Variants in LRP1B observed in about 807,000 individuals in gnomAD.
The protein encoded by LRP1B is LDL receptor related protein 1B.
LRP1B carries 217 observed loss-of-function variants against 556.6 expected under a neutral mutation model. The observed-to-expected ratio is 0.39, with a 90% CI of 0.35 to 0.44. The LOEUF (loss-of-function observed/expected upper bound fraction) is 0.44, where lower values mean the gene tolerates loss of function less well. LRP1B is among the 20% of genes least tolerant of loss of function. The pLI is 1.00. For missense variants in LRP1B, 5,053 were observed against 5,620.8 expected (o/e 0.90, Z 3.23); for synonymous variants, 2,047 against 1,865.8 (o/e 1.10, Z -2.50).
chr2:141,276,725 T>C lies in LRP1B; in HGVS notation c.344-22084A>G, dbSNP rs561118376. On this transcript the variant is annotated intron_variant, in intron 3 of 90. Coordinates refer to ENST00000389484, the MANE Select transcript of LRP1B (RefSeq NM_018557.3). Reference sequence around the variant, plus strand: ...AGGCTGGAGTGCAGTGGCAAGATCTTGGCTCACTGCAAGCTCCGCCTCCCC... The same window carrying C: ...AGGCTGGAGTGCAGTGGCAAGATCTCGGCTCACTGCAAGCTCCGCCTCCCC... 6.7e-3 allele frequency among the ~76,000 whole-genome samples: 1,001 copies of C among 150,038 alleles called. 4 individuals are homozygous for C. The highest frequency in any genetic ancestry group is 0.014 in the South Asian group (66 of 4,740).
intron 1 of LRP1B, among the ~76,000 whole-genome samples, chr2:141,870,772 G>GA (rs995902337): frequency 3.3e-5 from 5 of 151,636 alleles, no homozygotes; most frequent in Non-Finnish European, 5.9e-5. Context: ...TCATCGTGGT[G>GA]AAAAAAAATT....
intron 41 of LRP1B, among the ~76,000 whole-genome samples, chr2:140,697,039 T>C (rs6735862): frequency 0.23 from 34,353 of 151,896 alleles, 4,643 homozygotes; most frequent in African/African-American, 0.38. Flanking sequence ...CACATAGAAG[T>C]ACAGAGGAAA....
chr2:142,112,229 G>A (rs948227286), intron 1 of LRP1B, among the ~76,000 whole-genome samples: 1 of 152,008 alleles, frequency 6.6e-6, no homozygotes, highest in African/African-American at 2.4e-5. Context: ...ATCAGTTATA[G>A]AGGACAAAGA....
chr2:140,582,399 C>T (rs1440127599), intron 43 of LRP1B, among the ~76,000 whole-genome samples: 4 of 152,160 alleles, frequency 2.6e-5, no homozygotes, highest in African/African-American at 9.7e-5. Context: ...GACAAATGTG[C>T]TCTTATTTCT....
intron 1 of LRP1B, among the ~76,000 whole-genome samples, chr2:142,086,648 A>AAAAC (rs1255075408): frequency 5.3e-5 from 8 of 150,700 alleles, no homozygotes; most frequent in African/African-American, 2.0e-4. Context: ...AACAAAAAAA[A>AAAAC]AACACAACTT....
intron 2 of LRP1B, among the ~76,000 whole-genome samples, chr2:141,634,374 T>A (rs1345922187): frequency 6.6e-6 from 1 of 151,956 alleles, no homozygotes; most frequent in Non-Finnish European, 1.5e-5. Flanking sequence ...AAAATTATAC[T>A]ATTTTATAGA....
intron 72 of LRP1B, among the ~76,000 whole-genome samples, chr2:140,362,434 T>C (rs572207653): frequency 1.3e-5 from 2 of 151,738 alleles, no homozygotes; most frequent in Non-Finnish European, 2.9e-5. Context: ...GATTATGTCC[T>C]GATATATCCT....
intron 6 of LRP1B, among the ~76,000 whole-genome samples, chr2:141,202,523 AC>A (rs1682078054): frequency 2.0e-5 from 3 of 151,880 alleles, no homozygotes. Context: ...ACTAATTAAC[AC>A]TCCCACCAAC....
chr2:141,897,853 A>T (rs376228897), intron 1 of LRP1B, among the ~76,000 whole-genome samples: 58 of 152,310 alleles, frequency 3.8e-4, no homozygotes, highest in African/African-American at 1.3e-3. Context: ...AAATTTTTCC[A>T]TTAGCTACAT....
chr2:140,263,260 C>T (rs1291660447), intron 86 of LRP1B, among the ~76,000 whole-genome samples: 1 of 152,038 alleles, frequency 6.6e-6, no homozygotes. Context: ...GTGGATCTTC[C>T]AGCCAAACTG....
chr2:142,005,624 A>G (rs1702776566), intron 1 of LRP1B, among the ~76,000 whole-genome samples: 1 of 152,196 alleles, frequency 6.6e-6, no homozygotes, highest in Non-Finnish European at 1.5e-5. Context: ...GAAAAGAATT[A>G]ATAAATGTGA....
chr2:140,639,771 C>A (rs1383245729), intron 41 of LRP1B, among the ~76,000 whole-genome samples: 1 of 152,110 alleles, frequency 6.6e-6, no homozygotes, highest in Non-Finnish European at 1.5e-5. Flanking sequence ...AAGTCCTAAT[C>A]ATTATGTCAA....
At chr2:141,652,851 T>G (rs1689850478) in intron 2 of LRP1B, among the ~76,000 whole-genome samples, 1 of 152,134 alleles carries the variant, frequency 6.6e-6, no homozygotes, top group South Asian at 2.1e-4. Flanking sequence ...AAGAGAAGAA[T>G]GTCTACCTCT....
Position 140,549,932 on chromosome 2 carries a change from C to T in LRP1B, c.7195-7961G>A, listed in dbSNP as rs1488224203. ...TGCAGTTTTGTTACATAGGTATACA[C>T]GTGCCATGGTGGCTTGCTGCACCCA... On this transcript the variant is annotated intron_variant, in intron 43 of 90. Transcript: ENST00000389484. Among the ~76,000 whole-genome samples, 3 of 151,778 alleles carry T rather than the reference C, an allele frequency of 2.0e-5. 1 individual carries two copies. The highest frequency in any genetic ancestry group is 2.0e-4 in the Admixed American group (3 of 15,220).
chr2:140,317,741 T>A (rs1684588325), intron 82 of LRP1B, among the ~76,000 whole-genome samples: 4 of 152,244 alleles, frequency 2.6e-5, no homozygotes, highest in East Asian at 1.9e-4. Context: ...GATAGGATTA[T>A]TATGGGGTAC....
chr2:142,110,089 G>A (rs1160489366), intron 1 of LRP1B, among the ~76,000 whole-genome samples: 1 of 152,016 alleles, frequency 6.6e-6, no homozygotes, highest in Non-Finnish European at 1.5e-5. Context: ...TGATGAGAAA[G>A]CAAACTATCC....
At chr2:141,190,974 G>A (rs181604479) in intron 6 of LRP1B, among the ~76,000 whole-genome samples, 274 of 152,062 alleles carry the variant, frequency 1.8e-3, no homozygotes, top group African/African-American at 6.1e-3. Context: ...TAGGTCATAA[G>A]ATCCTCAAGT....
intron 7 of LRP1B, among the ~76,000 whole-genome samples, chr2:141,160,110 T>C (rs1463166422): frequency 1.3e-5 from 2 of 152,106 alleles, no homozygotes; most frequent in Non-Finnish European, 2.9e-5. Flanking sequence ...TTTCTTATTT[T>C]TTTTTAGAAG....
intron 2 of LRP1B, among the ~76,000 whole-genome samples, chr2:141,764,472 G>A (rs372815052): frequency 2.0e-5 from 3 of 152,104 alleles, no homozygotes; most frequent in South Asian, 2.1e-4. Flanking sequence ...GTGAGCCACC[G>A]CGCCAGGCAC....
Sources: allele counts gnomAD v4.1 joint callset (sites outside exome capture counted in the v4.1 genomes callset), GRCh38; gene constraint gnomAD v4.1.1; transcripts MANE v1.5; gene names NCBI Gene and HGNC (gene_info 2026-07-23, HGNC 2026-07-21).